RPA1: variants seen among roughly 807,000 people sequenced by gnomAD.
RPA1 encodes replication protein A1, also known as replication protein A 70 kDa DNA-binding subunit.
In RPA1, 49 loss-of-function variants were observed where a neutral mutation model predicts 83.0. The ratio of observed to expected loss-of-function variants is 0.59; its 90% CI spans 0.47 to 0.75. RPA1 has a LOEUF of 0.75. Among genes scored for constraint, RPA1 ranks in the 30% least tolerant of loss-of-function variants. The probability of loss-of-function intolerance (pLI) is 0.00; values close to 1 mark genes in which losing one functional copy is unlikely to be tolerated. For missense variants in RPA1, 693 were observed against 776.1 expected (o/e 0.89, Z 1.27); for synonymous variants, 279 against 281.8 (o/e 0.99, Z 0.10).
In RPA1 at chr17:1,879,348, T is replaced by C. The variant is rs1913688236; in HGVS notation, c.893T>C (p.Val298Ala). Residue 298 changes from valine to alanine, a missense_variant, in exon 10 of 17, where the codon GTT becomes GCT. Coordinates refer to ENST00000254719, the MANE Select transcript of RPA1 (RefSeq NM_002945.5). ...PCEDDHHLPTVQFDFTGIDDL... is the reference protein window; with the variant it reads ...PCEDDHHLPTAQFDFTGIDDL... ...GAGGACGACCATCATTTACCTACGGTTCAGTTTGATTTCACGGGGATTGAT... is the reference window on the plus strand; with the variant it reads ...GAGGACGACCATCATTTACCTACGGCTCAGTTTGATTTCACGGGGATTGAT... 6.2e-7 allele frequency: 1 copy of C among 1,614,070 alleles called. No homozygotes were observed. The highest frequency in any genetic ancestry group is 2.2e-5 in the East Asian group (1 of 44,874).
intron 5 of RPA1, among the ~76,000 whole-genome samples, chr17:1,856,289 T>G: frequency 1.4e-5 from 2 of 144,022 alleles, no homozygotes; most frequent in African/African-American, 2.7e-5. Flanking sequence ...GGTGACAGAG[T>G]GAGACCCCAT....
chr17:1,856,299 T>C (rs372148560), intron 5 of RPA1, among the ~76,000 whole-genome samples: 3 of 124,810 alleles, frequency 2.4e-5, no homozygotes, highest in South Asian at 2.7e-4. Flanking sequence ...TGAGACCCCA[T>C]AAAAAAAAAA....
intron 15 of RPA1, among the ~76,000 whole-genome samples, chr17:1,894,301 G>A (rs1356300401): frequency 6.6e-6 from 1 of 151,822 alleles, no homozygotes; most frequent in Non-Finnish European, 1.5e-5. Context: ...CTAGTACCTG[G>A]GATTACAGGC....
chr17:1,888,967 G>GA, intron 14 of RPA1, 116 bp downstream of exon 14: 1 of 1,098,166 alleles, frequency 9.1e-7, no homozygotes, highest in Non-Finnish European at 1.3e-6. Context: ...GCCCGCAGAT[G>GA]AGTAGGTGTG....
chr17:1,893,706 A>G (rs773475207), intron 15 of RPA1, among the ~76,000 whole-genome samples: 3 of 151,140 alleles, frequency 2.0e-5, no homozygotes, highest in Non-Finnish European at 4.4e-5. Context: ...CTTAAATTGC[A>G]TTTGAGGAGT....
In RPA1 at chr17:1,843,948, G is replaced by C. The variant is rs760084921; in HGVS notation, c.113G>C (p.Ser38Thr). ...INIRPITTGNSPPRYRLLMSD... is the reference protein window; with the variant it reads ...INIRPITTGNTPPRYRLLMSD... Reference sequence around the variant, plus strand: ...ATCCGTCCCATTACTACGGGGAATAGTCCGCCGCGTTATCGACTGCTCATG... The same window carrying C: ...ATCCGTCCCATTACTACGGGGAATACTCCGCCGCGTTATCGACTGCTCATG... The change falls in exon 3 of 17, where the codon AGT (serine) becomes ACT (threonine). Residue 38 changes from serine (S) to threonine (T), a missense_variant. Coordinates refer to ENST00000254719, the MANE Select transcript of RPA1 (RefSeq NM_002945.5). 5.9e-5 allele frequency: 96 copies of C among 1,613,864 alleles called. 3 individuals carry two copies. The South Asian group carries it at 9.4e-4, about 16-fold the overall frequency.
chr17:1,889,965 A>G (rs902570673), intron 14 of RPA1, among the ~76,000 whole-genome samples: 2 of 152,040 alleles, frequency 1.3e-5, no homozygotes, highest in African/African-American at 4.8e-5. Context: ...ACACCACTGC[A>G]CTCCAGCCCG....
intron 2 of RPA1, 66 bp from the exon 3 acceptor site, chr17:1,843,854 T>G: frequency 1.5e-6 from 2 of 1,346,242 alleles, no homozygotes; most frequent in Non-Finnish European, 2.1e-6. Context: ...CTCCTGCCAC[T>G]TCGGTTTACG....
intron 5 of RPA1, chr17:1,872,170 G>A: frequency 4.2e-6 from 2 of 476,850 alleles, no homozygotes; most frequent in Non-Finnish European, 3.8e-6. Flanking sequence ...AAGGCTTTAG[G>A]GGAGAACCTC....
chr17:1,849,570 G>A (rs1912401443), intron 4 of RPA1, among the ~76,000 whole-genome samples: 1 of 151,344 alleles, frequency 6.6e-6, no homozygotes, highest in Admixed American at 6.6e-5. Context: ...GGGATTACAG[G>A]CGTGAGCCAC....
chr17:1,857,266 TC>T (rs1416436550), intron 5 of RPA1, among the ~76,000 whole-genome samples: 1 of 119,338 alleles, frequency 8.4e-6, no homozygotes, highest in Non-Finnish European at 1.6e-5. Context: ...TTTTTCTTTT[TC>T]TTTTTTTTTT....
At chr17:1,883,535 G>A (rs1459769723) in intron 12 of RPA1, among the ~76,000 whole-genome samples, 1 of 152,160 alleles carries the variant, frequency 6.6e-6, no homozygotes, top group East Asian at 1.9e-4. Flanking sequence ...GAGGATCACT[G>A]AGCTCAGGGG....
chr17:1,841,031 C>T (rs372508780), intron 1 of RPA1, among the ~76,000 whole-genome samples: 3 of 152,040 alleles, frequency 2.0e-5, no homozygotes, highest in African/African-American at 4.8e-5. Context: ...TGCACCACCA[C>T]GCTCTAGCAC....
At chr17:1,882,597 G>A (rs946380749) in intron 12 of RPA1, among the ~76,000 whole-genome samples, 1 of 152,134 alleles carries the variant, frequency 6.6e-6, no homozygotes, top group African/African-American at 2.4e-5. Flanking sequence ...GCCAGGAGGT[G>A]GAGGTTGCAG....
chr17:1,837,336 C>G (rs1911864833), intron 1 of RPA1, among the ~76,000 whole-genome samples: 1 of 152,114 alleles, frequency 6.6e-6, no homozygotes, highest in South Asian at 2.1e-4. Flanking sequence ...CAGTAGTATT[C>G]CATTGTATGA....
intron 5 of RPA1, among the ~76,000 whole-genome samples, chr17:1,863,448 G>T (rs1913062761): frequency 6.6e-6 from 1 of 151,996 alleles, no homozygotes; most frequent in Non-Finnish European, 1.5e-5. Flanking sequence ...CCTGACCTCA[G>T]GTGATCCACC....
intron 12 of RPA1, among the ~76,000 whole-genome samples, chr17:1,881,122 T>C (rs1913780420): frequency 6.6e-6 from 1 of 152,204 alleles, no homozygotes; most frequent in Admixed American, 6.5e-5. Flanking sequence ...TGATCAAGTG[T>C]GGTGAGAACA....
chr17:1,888,538 T>G, intron 13 of RPA1, 137 bp from the exon 14 acceptor site: 1 of 773,058 alleles, frequency 1.3e-6, no homozygotes, highest in Non-Finnish European at 2.0e-6. Flanking sequence ...AATGAATGAT[T>G]CCCTGTGATC....
rs1364131603 is a variant in RPA1 at position 1,879,234 on chromosome 17, G to A, written c.779G>A (p.Gly260Asp). The A allele has an allele frequency of 6.2e-7, 1 of 1,613,862 alleles. No individual in the cohort carries two copies. Among genetic ancestry groups the A allele is most frequent in the East Asian group, 2.2e-5 (1 of 44,880 alleles). The change falls in exon 10 of 17, where the codon GGC (glycine) becomes GAC (aspartate). Residue 260 changes from glycine (G) to aspartate (D), a missense_variant. Gly to Asp is a moderately conservative substitution (Grantham distance 94). Coordinates refer to ENST00000254719, the MANE Select transcript of RPA1 (RefSeq NM_002945.5). ...EVNKVYYFSK[G>D]TLKIANKQFT... ...TCGCAGGTGTATTATTTCTCGAAAG[G>A]CACCCTGAAGATTGCTAACAAGCAG... is the stretch of plus-strand genomic sequence containing the variant.
Sources: allele counts gnomAD v4.1 joint callset (sites outside exome capture counted in the v4.1 genomes callset), GRCh38; gene constraint gnomAD v4.1.1; transcripts MANE v1.5; gene names NCBI Gene and HGNC (gene_info 2026-07-23, HGNC 2026-07-21).